MAP2K5: variants seen among roughly 807,000 people sequenced by gnomAD.
MAP2K5 encodes mitogen-activated protein kinase kinase 5.
In MAP2K5, 49 loss-of-function variants were observed where a neutral mutation model predicts 83.1. That is an observed-to-expected ratio of 0.59 (90% CI 0.47 to 0.75). MAP2K5 has a LOEUF of 0.75. Ranked by LOEUF, MAP2K5 falls within the 30% of genes least tolerant of loss-of-function variation. MAP2K5 has a pLI of 0.00. For synonymous variants in MAP2K5, 202 were observed against 191.8 expected (o/e 1.05, Z -0.44); for missense variants, 457 against 557.5 (o/e 0.82, Z 1.82).
At chr15:67,658,933 TTATGATTAGCA>T (rs2087162028) in intron 12 of MAP2K5, 1 of 435,426 alleles carries the variant, frequency 2.3e-6, no homozygotes, top group Non-Finnish European at 4.5e-6. Flanking sequence ...CATTTTGTAG[TTATGATTAGCA>T]TATGATTAGC....
chr15:67,561,191 C>T lies in MAP2K5; in HGVS notation c.185-2092C>T, dbSNP rs754040153. Among the ~76,000 whole-genome samples the T allele has an allele frequency of 8.5e-5, 13 of 152,108 alleles. No individual in the cohort carries two copies. The highest frequency in any genetic ancestry group is 1.6e-4 in the Non-Finnish European group (11 of 68,020). ...AGCCTACATTTAAAGAGAATTTGAC[C>T]TGGTTTTAAAGCAAAAATGTAAAGT... On this transcript the variant is annotated intron_variant, in intron 2 of 21. Coordinates refer to ENST00000178640, the MANE Select transcript of MAP2K5 (RefSeq NM_145160.3). This position sits in a 1 kb window ranked among gnomAD's most constrained non-coding sequence, Gnocchi z 4.2.
Position 67,590,446 on chromosome 15 carries a change from C to CCTCTCT in MAP2K5, c.432-2455_432-2450dup, listed in dbSNP as rs57701485. Among the ~76,000 whole-genome samples the CCTCTCT allele has an allele frequency of 2.6e-4, 8 of 30,554 alleles. 1 individual carries two copies. The highest frequency in any genetic ancestry group is 9.4e-4 in the African/African-American group (8 of 8,532). The allele number at this position is 30,554 out of a possible 152,430, so 20.0% of individuals were successfully genotyped here. A position where few individuals can be genotyped will look rare whatever the true frequency, so the allele number is the denominator to read the frequency against. The stretch of plus-strand genomic sequence containing the variant: ...CCCTCCCTCTCTCTCTCCCTCCCTC[C>CCTCTCT]CTCTCTCTCTCTCTCTCTCTCTCTC... On this transcript the variant is annotated intron_variant, in intron 6 of 21. Transcript: ENST00000178640.
chr15:67,799,627 C>T (rs1433592651), intron 21 of MAP2K5, among the ~76,000 whole-genome samples: 1 of 152,234 alleles, frequency 6.6e-6, no homozygotes, highest in African/African-American at 2.4e-5. Context: ...CCCCAGTGGC[C>T]TTGCTACGCA....
chr15:67,646,974 T>C (rs2086845579), intron 11 of MAP2K5, among the ~76,000 whole-genome samples: 2 of 152,236 alleles, frequency 1.3e-5, no homozygotes, highest in Non-Finnish European at 2.9e-5. Flanking sequence ...TCTATTTTTT[T>C]ATTCATTTCT....
chr15:67,641,656 A>G, intron 9 of MAP2K5: 1 of 979,732 alleles, frequency 1.0e-6, no homozygotes, highest in Non-Finnish European at 1.2e-6. Context: ...GAAATGCACC[A>G]AGGTATTTCA....
At position 67,768,098 on chromosome 15, in the gene MAP2K5, C is replaced by T. The variant is rs1209057036; in HGVS notation, c.1135-1504C>T. Among the ~76,000 whole-genome samples the T allele has an allele frequency of 6.6e-6, 1 of 151,936 alleles. No homozygotes were observed. The highest frequency in any genetic ancestry group is 2.4e-5 in the African/African-American group (1 of 41,358). Reference sequence around the variant, plus strand: ...GTTGTTTTTGTTTGTTTTTTGGCTGCCTTGACCCCCTTAGTTCCTTTTGAT... The same window carrying T: ...GTTGTTTTTGTTTGTTTTTTGGCTGTCTTGACCCCCTTAGTTCCTTTTGAT... On this transcript the variant is annotated intron_variant, in intron 19 of 21. Coordinates refer to ENST00000178640, the MANE Select transcript of MAP2K5 (RefSeq NM_145160.3). This position sits in a 1 kb window ranked among gnomAD's most constrained non-coding sequence, Gnocchi z 4.0.
At chr15:67,590,998 A>G (rs1233881604) in intron 6 of MAP2K5, among the ~76,000 whole-genome samples, 3 of 152,148 alleles carry the variant, frequency 2.0e-5, no homozygotes, top group Non-Finnish European at 4.4e-5. Context: ...GAAGAAAGAC[A>G]TCTATACTGA....
At chr15:67,602,521 T>C (rs996260117) in intron 8 of MAP2K5, among the ~76,000 whole-genome samples, 5 of 152,240 alleles carry the variant, frequency 3.3e-5, no homozygotes, top group African/African-American at 9.6e-5. Context: ...GAAGGTCTAT[T>C]GTGAATTTAT....
chr15:67,803,992 G>A (rs907024170), intron 21 of MAP2K5, among the ~76,000 whole-genome samples: 1 of 152,182 alleles, frequency 6.6e-6, no homozygotes, highest in Non-Finnish European at 1.5e-5. Flanking sequence ...GCCCACCTGT[G>A]TGAGTTAACA....
At position 67,807,105 on chromosome 15, in the gene MAP2K5, CT is replaced by C; in HGVS notation, c.*358del. 1 of 572,314 alleles carries C rather than the reference CT, an allele frequency of 1.7e-6. No individual in the cohort carries two copies. The highest frequency in any genetic ancestry group is 2.7e-6 in the Non-Finnish European group (1 of 372,362). 35.5% of individuals were successfully genotyped at this position (572,314 alleles called of 1,614,324 possible). A position where few individuals can be genotyped will look rare whatever the true frequency, so the allele number is the denominator to read the frequency against. On this transcript the variant is annotated 3_prime_UTR_variant, in exon 22 of 22. Transcript: ENST00000178640. The surrounding 1 kb of genome is among the most constrained non-coding windows in gnomAD (Gnocchi z 5.1). ...ACTGATGGGAATAAAAGTATTAATGCTTTGTGACAGCCTCTGCCATAAGAGT... is the reference window on the plus strand; with the variant it reads ...ACTGATGGGAATAAAAGTATTAATGCTTGTGACAGCCTCTGCCATAAGAGT...
In MAP2K5 at chr15:67,714,483, T is replaced by C. The variant is rs1174840957; in HGVS notation, c.1044+11075T>C. On this transcript the variant is annotated intron_variant, in intron 16 of 21. Coordinates refer to ENST00000178640, the MANE Select transcript of MAP2K5 (RefSeq NM_145160.3). Reference sequence around the variant, plus strand: ...ACCACCCTGACACAGCTGTTTCTAATGGGTGTGTGGTTGTGGCTTTGTTTG... The same window carrying C: ...ACCACCCTGACACAGCTGTTTCTAACGGGTGTGTGGTTGTGGCTTTGTTTG... Among the ~76,000 whole-genome samples the C allele has an allele frequency of 1.3e-4, 16 of 127,632 alleles. No individual in the cohort carries two copies. The East Asian group carries it at 4.0e-3, about 32-fold the overall frequency. 83.7% of individuals were successfully genotyped at this position (127,632 alleles called of 152,430 possible). A position where few individuals can be genotyped will look rare whatever the true frequency, so the allele number is the denominator to read the frequency against.
intron 16 of MAP2K5, among the ~76,000 whole-genome samples, chr15:67,705,470 C>T (rs960320045): frequency 1.3e-5 from 2 of 152,188 alleles, no homozygotes; most frequent in Non-Finnish European, 2.9e-5. Context: ...CTCAGTGGCT[C>T]ATGCCCATAA....
At position 67,746,797 on chromosome 15, in the gene MAP2K5, C is replaced by T. The variant is rs191793272; in HGVS notation, c.1075-1434C>T. Among the ~76,000 whole-genome samples, 18 of 152,242 alleles carry T rather than the reference C, an allele frequency of 1.2e-4. No individual in the cohort carries two copies. Among genetic ancestry groups the T allele is most frequent in the Non-Finnish European group, 2.2e-4 (15 of 68,022 alleles). On this transcript the variant is annotated intron_variant, in intron 17 of 21. Coordinates refer to ENST00000178640, the MANE Select transcript of MAP2K5 (RefSeq NM_145160.3). The surrounding 1 kb of genome is among the most constrained non-coding windows in gnomAD (Gnocchi z 4.1). ...AAAGCCAATAAGAGCAATGAGTGGG[C>T]GCCGTGTTCATTTGACAAATATATG... is the stretch of plus-strand genomic sequence containing the variant.
At chr15:67,771,526 C>A (rs2090141826) in intron 20 of MAP2K5, among the ~76,000 whole-genome samples, 1 of 152,074 alleles carries the variant, frequency 6.6e-6, no homozygotes, top group Non-Finnish European at 1.5e-5. Flanking sequence ...GATGTCAAGC[C>A]AAAACAGAAA....
At chr15:67,609,175 G>A (rs1206826588) in intron 8 of MAP2K5, among the ~76,000 whole-genome samples, 1 of 152,130 alleles carries the variant, frequency 6.6e-6, no homozygotes, top group Non-Finnish European at 1.5e-5. Flanking sequence ...TCAGCATTCA[G>A]TTACCATAAA....
At position 67,785,666 on chromosome 15, in the gene MAP2K5, A is replaced by G. The variant is rs1219487186; in HGVS notation, c.1242+12914A>G. ...GTGTGGAGGCAGCAGGGGACCTGGC[A>G]TGGAGCCATGACCTCGCTCATCCTA... On this transcript the variant is annotated intron_variant, in intron 21 of 21. Transcript: ENST00000178640. This position sits in a 1 kb window ranked among gnomAD's most constrained non-coding sequence, Gnocchi z 4.4. Among the ~76,000 whole-genome samples, 2 of 152,176 alleles carry G rather than the reference A, an allele frequency of 1.3e-5. No homozygotes were observed. The highest frequency in any genetic ancestry group is 2.9e-5 in the Non-Finnish European group (2 of 68,020).
At chr15:67,686,440 T>A (rs1372851034) in intron 13 of MAP2K5, among the ~76,000 whole-genome samples, 1 of 151,556 alleles carries the variant, frequency 6.6e-6, no homozygotes, top group Non-Finnish European at 1.5e-5. Context: ...AACCCCCGTC[T>A]CACTAAAAAT....
At position 67,750,258 on chromosome 15, in the gene MAP2K5, A is replaced by G. The variant is rs752878367; in HGVS notation, c.1134+1657A>G. ...TAGTCAAGAGAAAAATGTAACTTAG[A>G]CATATATTCCTGTTTACTCTAAAAC... On this transcript the variant is annotated intron_variant, in intron 19 of 21. Transcript: ENST00000178640. The surrounding 1 kb of genome is among the most constrained non-coding windows in gnomAD (Gnocchi z 4.2). Among the ~76,000 whole-genome samples the G allele has an allele frequency of 1.3e-5, 2 of 152,214 alleles. No individual in the cohort carries two copies. The highest frequency in any genetic ancestry group is 2.9e-5 in the Non-Finnish European group (2 of 68,032).
chr15:67,709,915 G>A (rs897311086), intron 16 of MAP2K5, among the ~76,000 whole-genome samples: 2 of 152,192 alleles, frequency 1.3e-5, no homozygotes, highest in Non-Finnish European at 2.9e-5. Flanking sequence ...TGAGTATGCT[G>A]TACAAATACA....
Sources: allele counts gnomAD v4.1 joint callset (sites outside exome capture counted in the v4.1 genomes callset), GRCh38; gene constraint gnomAD v4.1.1; non-coding constraint Gnocchi (gnomAD v3.1); transcripts MANE v1.5; gene names NCBI Gene and HGNC (gene_info 2026-07-23, HGNC 2026-07-21).